Variants in OCLN observed in about 807,000 individuals in gnomAD.
OCLN encodes phosphatase 1, regulatory subunit 115.
OCLN carries 21 observed loss-of-function variants against 47.9 expected under a neutral mutation model. The ratio of observed to expected loss-of-function variants is 0.44; its 90% confidence interval spans 0.31 to 0.63. OCLN has a LOEUF of 0.63. Among genes scored for constraint, OCLN ranks in the 30% least tolerant of loss-of-function variants. The pLI is 0.08. For missense variants in OCLN, 360 were observed against 571.0 expected (o/e 0.63, Z 3.77); for synonymous variants, 117 against 198.4 (o/e 0.59, Z 3.45).
At position 69,519,473 on chromosome 5, in the gene OCLN, C is replaced by A. The variant is rs572217720; in HGVS notation, c.891+5364C>A. Among the ~76,000 whole-genome samples, 4 of 152,266 alleles carry A rather than the reference C, an allele frequency of 2.6e-5. No homozygotes were observed. The East Asian group carries it at 7.7e-4, about 29-fold the overall frequency. On this transcript the variant is annotated intron_variant, in intron 4 of 8. Coordinates refer to ENST00000396442, the MANE Select transcript of OCLN (RefSeq NM_001205254.2). ...TTCTTAGGGCTTTTTTTCCCCCTTC[C>A]TTTTTCTGGATATCTTGTTCCTTGT...
intron 1 of OCLN, among the ~76,000 whole-genome samples, chr5:69,503,102 T>G (rs1373808787): frequency 2.0e-5 from 3 of 152,216 alleles, no homozygotes; most frequent in Non-Finnish European, 4.4e-5. Context: ...GGAGGTTTTA[T>G]GTAAAGCACC....
intron 1 of OCLN, chr5:69,502,553 C>T (rs1580546266): frequency 6.6e-6 from 1 of 152,322 alleles, no homozygotes; most frequent in East Asian, 1.9e-4. Context: ...AATTCCTGCT[C>T]ACATGGAATT....
At position 69,496,244 on chromosome 5, in the gene OCLN, G is replaced by A. The variant is rs372205788; in HGVS notation, c.-69+3344G>A. The stretch of plus-strand genomic sequence containing the variant: ...CTCCCGAGTAGTTGGGACTACAGGC[G>A]CCTGCCACCATGCCCAGCTAATTTT... On this transcript the variant is annotated intron_variant, in intron 1 of 8. Coordinates refer to ENST00000396442, the MANE Select transcript of OCLN (RefSeq NM_001205254.2). 7.2e-5 allele frequency among the ~76,000 whole-genome samples: 11 copies of A among 152,018 alleles called. No homozygotes were observed. In the South Asian group the frequency reaches 1.3e-3, roughly 17 times the overall value.
rs187688506 is a variant in OCLN, at chr5:69,554,371, C to T, written c.*700C>T. The stretch of plus-strand genomic sequence containing the variant: ...TTTTTTAAGATCAAAGTTTAAACCC[C>T]GTGGTTAGAATTTTGTGTGTTTTTA... On this transcript the variant is annotated 3_prime_UTR_variant, in exon 9 of 9. Coordinates refer to ENST00000396442, the MANE Select transcript of OCLN (RefSeq NM_001205254.2). 6.6e-6 allele frequency: 1 copy of T among 151,900 alleles called. No homozygotes were observed. The highest frequency in any genetic ancestry group is 2.4e-5 in the African/African-American group (1 of 41,302). 9.4% of individuals were successfully genotyped at this position (151,900 alleles called of 1,614,324 possible).
intron 4 of OCLN, among the ~76,000 whole-genome samples, chr5:69,527,924 G>T (rs1580578225): frequency 6.6e-6 from 1 of 152,018 alleles, no homozygotes; most frequent in South Asian, 2.1e-4. Context: ...AGTTCTCATT[G>T]GTCTATATTA....
intron 4 of OCLN, among the ~76,000 whole-genome samples, chr5:69,517,950 T>C (rs1249596678): frequency 6.6e-6 from 1 of 152,206 alleles, no homozygotes; most frequent in African/African-American, 2.4e-5. Flanking sequence ...TTAGTTTTCG[T>C]TGGCAGTTAG....
intron 4 of OCLN, among the ~76,000 whole-genome samples, chr5:69,515,886 A>G (rs1580563775): frequency 7.0e-6 from 1 of 143,190 alleles, no homozygotes; most frequent in African/African-American, 2.6e-5. Flanking sequence ...CGCTCCCCAC[A>G]TCTTAGACGA....
chr5:69,512,301 C>T (rs1259990803), intron 3 of OCLN, among the ~76,000 whole-genome samples: 1 of 152,178 alleles, frequency 6.6e-6, no homozygotes, highest in Non-Finnish European at 1.5e-5. Flanking sequence ...CTCAGTGTTA[C>T]TTGTTGAAAG....
intron 1 of OCLN, among the ~76,000 whole-genome samples, chr5:69,499,043 T>G (rs1458123069): frequency 6.6e-6 from 1 of 152,120 alleles, no homozygotes; most frequent in Non-Finnish European, 1.5e-5. Context: ...TATGTAGAAT[T>G]GTGATATTGT....
At chr5:69,509,051 C>G (rs1561334348) in intron 2 of OCLN, 90 bp from the exon 3 acceptor site, 2 of 1,107,782 alleles carry the variant, frequency 1.8e-6, no homozygotes, top group Non-Finnish European at 2.7e-6. Flanking sequence ...TTTCATTTAC[C>G]CAATGGTTTA....
intron 2 of OCLN, among the ~76,000 whole-genome samples, chr5:69,508,630 C>T (rs571537610): frequency 1.3e-4 from 20 of 152,238 alleles, no homozygotes; most frequent in African/African-American, 4.1e-4. Context: ...CATGAGCCAC[C>T]GTGCCCAGCC....
upstream of OCLN, chr5:69,492,777 A>T (rs1270128914): frequency 6.6e-6 from 1 of 152,276 alleles, no homozygotes; most frequent in Non-Finnish European, 1.5e-5. Context: ...GGGGGAGGAG[A>T]CGTCCCCAGC....
chr5:69,504,326 T>A, intron 2 of OCLN, 32 bp downstream of exon 2: 1 of 1,327,886 alleles, frequency 7.5e-7, no homozygotes, highest in Non-Finnish European at 1.1e-6. Flanking sequence ...TATTCTCTTT[T>A]AAAAAGTCTA....
At chr5:69,519,416 C>T (rs1486106102) in intron 4 of OCLN, among the ~76,000 whole-genome samples, 1 of 152,062 alleles carries the variant, frequency 6.6e-6, no homozygotes, top group Non-Finnish European at 1.5e-5. Context: ...ATTCCCTGTC[C>T]CTGTTGGCTC....
At chr5:69,520,046 G>A (rs551981550) in intron 4 of OCLN, among the ~76,000 whole-genome samples, 1 of 152,054 alleles carries the variant, frequency 6.6e-6, no homozygotes, top group South Asian at 2.1e-4. Flanking sequence ...GCAGCCTCCC[G>A]CTTCCAGGTT....
At chr5:69,515,122 C>A (rs1424342703) in intron 4 of OCLN, among the ~76,000 whole-genome samples, 5 of 151,556 alleles carry the variant, frequency 3.3e-5, no homozygotes, top group Non-Finnish European at 5.9e-5. Flanking sequence ...CGCCCCTCAC[C>A]TCCTGGACCG....
At chr5:69,496,500 GT>G in intron 1 of OCLN, among the ~76,000 whole-genome samples, 1 of 147,392 alleles carries the variant, frequency 6.8e-6, no homozygotes, top group East Asian at 2.0e-4. Flanking sequence ...CTTATTGACA[GT>G]TTTCTTTAAA....
intron 2 of OCLN, among the ~76,000 whole-genome samples, chr5:69,507,380 C>T (rs1337470246): frequency 6.6e-6 from 1 of 152,130 alleles, no homozygotes. Context: ...GGTGACCCGC[C>T]CACCTCCTAA....
intron 4 of OCLN, among the ~76,000 whole-genome samples, chr5:69,522,545 G>A (rs913806149): frequency 7.2e-5 from 11 of 152,018 alleles, no homozygotes; most frequent in Non-Finnish European, 7.4e-5. Flanking sequence ...TAGAAGTGTC[G>A]TGCACCCAAT....
Sources: allele counts gnomAD v4.1 joint callset (sites outside exome capture counted in the v4.1 genomes callset), GRCh38; gene constraint gnomAD v4.1.1; transcripts MANE v1.5; gene names NCBI Gene and HGNC (gene_info 2026-07-23, HGNC 2026-07-21).